The following KCNQ3 variants were observed in gnomAD, a reference collection of about 807,000 sequenced individuals.
The protein encoded by KCNQ3 is potassium voltage-gated channel subfamily KQT member 3.
A neutral mutation model predicts 92.5 loss-of-function variants in KCNQ3; 30 were observed. The ratio of observed to expected loss-of-function variants is 0.32; its 90% CI spans 0.24 to 0.44. The LOEUF (loss-of-function observed/expected upper bound fraction) is 0.44. Ranked by LOEUF, KCNQ3 falls within the 20% of genes least tolerant of loss-of-function variation. The pLI, the probability that KCNQ3 is intolerant of heterozygous loss-of-function variation, is 1.00. For missense variants in KCNQ3, 913 were observed against 1,140.3 expected, an observed-to-expected ratio of 0.80 and a Z score of 2.87; for synonymous variants, 450 against 468.8, an observed-to-expected ratio of 0.96 and a Z score of 0.52.
At chr8:132,155,298 G>A (rs1392271992) in intron 9 of KCNQ3, among the ~76,000 whole-genome samples, 1 of 152,174 alleles carries the variant, frequency 6.6e-6, no homozygotes, top group African/African-American at 2.4e-5. Flanking sequence ...GAAGGCAGAG[G>A]ATAGAATGAA....
At chr8:132,235,363 C>T (rs952117955) in intron 1 of KCNQ3, among the ~76,000 whole-genome samples, 8 of 152,176 alleles carry the variant, frequency 5.3e-5, no homozygotes, top group Admixed American at 2.0e-4. Context: ...ATTAGCTGGG[C>T]GTGGTGGCAG....
chr8:132,195,971 T>C (rs919360921), intron 1 of KCNQ3, among the ~76,000 whole-genome samples: 36 of 152,218 alleles, frequency 2.4e-4, no homozygotes, highest in African/African-American at 8.4e-4. Context: ...GAAGACATTA[T>C]AATTATAAAC....
intron 1 of KCNQ3, among the ~76,000 whole-genome samples, chr8:132,359,678 G>A (rs1819112567): frequency 6.6e-6 from 1 of 152,144 alleles, no homozygotes; most frequent in Admixed American, 6.5e-5. Flanking sequence ...TGTGTGATTG[G>A]TTATTAGAGA....
At chr8:132,453,302 T>C (rs1203535969) in intron 1 of KCNQ3, among the ~76,000 whole-genome samples, 3 of 152,108 alleles carry the variant, frequency 2.0e-5, no homozygotes, top group African/African-American at 7.2e-5. Flanking sequence ...CTTTGAACCA[T>C]GGAAGGCATC....
At chr8:132,477,231 T>C (rs1308456463) in intron 1 of KCNQ3, among the ~76,000 whole-genome samples, 1 of 152,040 alleles carries the variant, frequency 6.6e-6, no homozygotes, top group Non-Finnish European at 1.5e-5. Context: ...AACAGACTAA[T>C]ACAGCATTTG....
At chr8:132,253,601 T>A (rs11776658) in intron 1 of KCNQ3, among the ~76,000 whole-genome samples, 66,586 of 152,066 alleles carry the variant, frequency 0.44, 16,919 homozygotes, top group East Asian at 0.69. Context: ...CAAGCACATG[T>A]GTTTGCATTT....
chr8:132,296,553 C>G (rs911292965), intron 1 of KCNQ3, among the ~76,000 whole-genome samples: 1 of 151,850 alleles, frequency 6.6e-6, no homozygotes, highest in East Asian at 1.9e-4. Context: ...CCCCACCCCA[C>G]AACAGTCCCC....
At chr8:132,371,447 A>G (rs1335081209) in intron 1 of KCNQ3, among the ~76,000 whole-genome samples, 2 of 152,238 alleles carry the variant, frequency 1.3e-5, no homozygotes, top group African/African-American at 4.8e-5. Context: ...ATACATGGGC[A>G]GTCAGGGAAG....
intron 1 of KCNQ3, among the ~76,000 whole-genome samples, chr8:132,301,813 T>C (rs1269886214): frequency 1.3e-5 from 2 of 152,176 alleles, no homozygotes; most frequent in Non-Finnish European, 2.9e-5. Flanking sequence ...ACTGCTGTGA[T>C]GCACTTGGAG....
At chr8:132,331,625 C>G (rs1818233144) in intron 1 of KCNQ3, among the ~76,000 whole-genome samples, 1 of 152,100 alleles carries the variant, frequency 6.6e-6, no homozygotes, top group Non-Finnish European at 1.5e-5. Context: ...CTTGTTCTCT[C>G]AAAAAATATC....
chr8:132,425,382 C>G (rs1821082873), intron 1 of KCNQ3, among the ~76,000 whole-genome samples: 1 of 152,208 alleles, frequency 6.6e-6, no homozygotes, highest in Admixed American at 6.5e-5. Flanking sequence ...AGTAAATTCT[C>G]TAAGCCTCAA....
chr8:132,139,801 C>T (rs1487307280), intron 11 of KCNQ3, among the ~76,000 whole-genome samples: 1 of 152,128 alleles, frequency 6.6e-6, no homozygotes, highest in Non-Finnish European at 1.5e-5. Context: ...CAGAGCAGAA[C>T]ATAGCAGGTG....
At position 132,137,865 on chromosome 8, in the gene KCNQ3, T is replaced by C. The variant is rs1199010249; in HGVS notation, c.1700+20A>G. On this transcript the variant is annotated intron_variant, in intron 12 of 14. Coordinates refer to ENST00000388996, the MANE Select transcript of KCNQ3 (RefSeq NM_004519.4). ...AGGGCTTTGAGGGGAGCGCAGTCCC[T>C]CCAGATGTGACTGTCTCACCTCGTC... is the stretch of plus-strand genomic sequence containing the variant. 1 of 1,613,696 alleles carries C rather than the reference T, an allele frequency of 6.2e-7. No homozygotes were observed. The highest frequency in any genetic ancestry group is 1.7e-5 in the Admixed American group (1 of 60,018).
At chr8:132,132,789 G>A (rs1743392588) in intron 13 of KCNQ3, among the ~76,000 whole-genome samples, 1 of 152,232 alleles carries the variant, frequency 6.6e-6, no homozygotes, top group Admixed American at 6.5e-5. Context: ...GAATGGAATT[G>A]AAATGTGTGC....
In KCNQ3 at chr8:132,129,102, G is replaced by A; in HGVS notation, c.*160C>T. On this transcript the variant is annotated 3_prime_UTR_variant, in exon 15 of 15. Coordinates refer to ENST00000388996, the MANE Select transcript of KCNQ3 (RefSeq NM_004519.4). The surrounding 1 kb of genome is among the most constrained non-coding windows in gnomAD (Gnocchi z 5.9). ...CACTTTGTTGTGGTGACATGGGGAGGAAGAGGCTGTGGGAAGCCCCTGCCT... is the reference window on the plus strand; with the variant it reads ...CACTTTGTTGTGGTGACATGGGGAGAAAGAGGCTGTGGGAAGCCCCTGCCT... 1 of 727,604 alleles carries A rather than the reference G, an allele frequency of 1.4e-6. No individual in the cohort carries two copies. The highest frequency in any genetic ancestry group is 1.8e-5 in the South Asian group (1 of 56,936). The allele number at this position is 727,604 out of a possible 1,614,324, so 45.1% of individuals were successfully genotyped here.
chr8:132,199,538 C>T (rs1004408636), intron 1 of KCNQ3, among the ~76,000 whole-genome samples: 5 of 152,100 alleles, frequency 3.3e-5, no homozygotes, highest in Non-Finnish European at 7.4e-5. Flanking sequence ...TTATTGATTC[C>T]TATTAACTGT....
intron 1 of KCNQ3, among the ~76,000 whole-genome samples, chr8:132,240,755 G>A (rs1814967971): frequency 6.6e-6 from 1 of 152,166 alleles, no homozygotes; most frequent in Admixed American, 6.5e-5. Context: ...TTGGCTCTCA[G>A]TAAATATTTA....
chr8:132,313,035 G>A (rs535963442), intron 1 of KCNQ3, among the ~76,000 whole-genome samples: 23 of 152,292 alleles, frequency 1.5e-4, no homozygotes, highest in Admixed American at 3.9e-4. Flanking sequence ...CCTTCCAGCC[G>A]GACGTCTGAG....
At chr8:132,430,428 A>T (rs1215486634) in intron 1 of KCNQ3, among the ~76,000 whole-genome samples, 1 of 152,214 alleles carries the variant, frequency 6.6e-6, no homozygotes, top group Non-Finnish European at 1.5e-5. Context: ...TCAGGAGCCA[A>T]AGGTCCCTGT....
Sources: allele counts gnomAD v4.1 joint callset (sites outside exome capture counted in the v4.1 genomes callset), GRCh38; gene constraint gnomAD v4.1.1; non-coding constraint Gnocchi (gnomAD v3.1); transcripts MANE v1.5; gene names NCBI Gene and HGNC (gene_info 2026-07-23, HGNC 2026-07-21).